ADGRD1: variants seen among roughly 807,000 people sequenced by gnomAD.
The protein encoded by ADGRD1 is adhesion G protein-coupled receptor D1, also known as G-protein coupled receptor 133.
ADGRD1 carries 77 observed loss-of-function variants against 113.4 expected under a neutral mutation model. The ratio of observed to expected loss-of-function variants is 0.68; its 90% CI spans 0.57 to 0.82. ADGRD1 has a LOEUF of 0.82. Ranked by LOEUF, ADGRD1 falls within the 40% of genes least tolerant of loss-of-function variation. The probability of loss-of-function intolerance (pLI) is 0.00; values close to 1 mark genes in which losing one functional copy is unlikely to be tolerated. For synonymous variants in ADGRD1, 474 were observed against 475.0 expected (o/e 1.00, Z 0.03); for missense variants, 1,036 against 1,139.1 (o/e 0.91, Z 1.30).
intron 13 of ADGRD1, among the ~76,000 whole-genome samples, chr12:131,068,973 C>G (rs1884939593): frequency 6.6e-6 from 1 of 152,258 alleles, no homozygotes; most frequent in African/African-American, 2.4e-5. Flanking sequence ...ATTCCGAGCA[C>G]AGCAGCTATA....
chr12:131,071,652 A>T (rs1188759606), intron 13 of ADGRD1, among the ~76,000 whole-genome samples: 1 of 152,214 alleles, frequency 6.6e-6, no homozygotes, highest in Admixed American at 6.5e-5. Context: ...ACAGAGGGCA[A>T]CTTGTGCACG....
intron 12 of ADGRD1, among the ~76,000 whole-genome samples, chr12:131,012,014 G>A (rs1376120177): frequency 6.6e-6 from 1 of 152,202 alleles, no homozygotes; most frequent in Non-Finnish European, 1.5e-5. Context: ...CTGCGGTGGG[G>A]ACTGAGCCCA....
At chr12:131,138,562 T>A (rs376130339) in intron 24 of ADGRD1, among the ~76,000 whole-genome samples, 8 of 152,344 alleles carry the variant, frequency 5.3e-5, no homozygotes, top group South Asian at 2.1e-4. Flanking sequence ...CCAGGCAGTC[T>A]GGAGCAGGCC....
intron 2 of ADGRD1, among the ~76,000 whole-genome samples, chr12:130,960,262 C>T (rs1480970927): frequency 2.0e-5 from 3 of 152,262 alleles, no homozygotes; most frequent in South Asian, 2.1e-4. Flanking sequence ...TGGCTCCAGC[C>T]GTTTCCAGAA....
At chr12:131,008,204 A>G (rs963207392) in intron 12 of ADGRD1, among the ~76,000 whole-genome samples, 3 of 152,186 alleles carry the variant, frequency 2.0e-5, no homozygotes, top group Non-Finnish European at 2.9e-5. Flanking sequence ...TTGTAAGCTG[A>G]TTGGGCATTT....
In ADGRD1 at chr12:130,965,722, T is replaced by C. The variant is rs141966473; in HGVS notation, c.104-741T>C. 1.3e-3 allele frequency among the ~76,000 whole-genome samples: 205 copies of C among 152,322 alleles called. 1 individual carries two copies. Among genetic ancestry groups the C allele is most frequent in the African/African-American group, 4.6e-3 (191 of 41,568 alleles). On this transcript the variant is annotated intron_variant, in intron 2 of 24. Transcript: ENST00000261654. The surrounding 1 kb of genome is among the most constrained non-coding windows in gnomAD (Gnocchi z 4.8). ...AAGAAATAATTCATATAGCATTCAATGAGAAGAGCAGAATAGAAAATAACA... is the reference window on the plus strand; with the variant it reads ...AAGAAATAATTCATATAGCATTCAACGAGAAGAGCAGAATAGAAAATAACA...
At chr12:131,111,708 C>T (rs73149914) in intron 18 of ADGRD1, among the ~76,000 whole-genome samples, 9,179 of 151,972 alleles carry the variant, frequency 0.06, 280 homozygotes, top group Middle Eastern at 0.099. Context: ...ATTTTGGAAC[C>T]CCTCTAGTGG....
At chr12:131,034,373 G>T (rs1028325484) in intron 13 of ADGRD1, among the ~76,000 whole-genome samples, 1 of 152,160 alleles carries the variant, frequency 6.6e-6, no homozygotes, top group African/African-American at 2.4e-5. Flanking sequence ...CGCCACTGCC[G>T]ACCTGACTGT....
At chr12:131,126,392 T>C (rs1950738513) in intron 20 of ADGRD1, among the ~76,000 whole-genome samples, 2 of 152,216 alleles carry the variant, frequency 1.3e-5, no homozygotes, top group African/African-American at 4.8e-5. Flanking sequence ...TCTCCCAAAC[T>C]GTAATAAATC....
intron 21 of ADGRD1, 58 bp from the exon 22 acceptor site, chr12:131,135,979 C>T: frequency 3.7e-6 from 6 of 1,600,536 alleles, no homozygotes; most frequent in Admixed American, 1.7e-5. Context: ...GAGGGCAGTC[C>T]TCACAGCCTG....
At chr12:130,957,208 A>C (rs1198267220) in intron 2 of ADGRD1, 2 of 152,386 alleles carry the variant, frequency 1.3e-5, no homozygotes, top group Non-Finnish European at 2.9e-5. Flanking sequence ...ACATGTCCAC[A>C]CATATCCACG....
At chr12:131,079,710 GT>G (rs1182149257) in intron 14 of ADGRD1, among the ~76,000 whole-genome samples, 2 of 152,028 alleles carry the variant, frequency 1.3e-5, no homozygotes, top group Admixed American at 1.3e-4. Context: ...AGCAGTTTAT[GT>G]TTTTTTGAAA....
chr12:131,076,880 C>G lies in ADGRD1; in HGVS notation c.1547+6C>G. ...TGCGCCTTCCTGGACTTCAGGTACC[C>G]TCTGCACAGGGGAGAGCAGGTGGGC... On this transcript the variant is annotated splice_donor_region_variant and intron_variant, in intron 14 of 24. Coordinates refer to ENST00000261654, the MANE Select transcript of ADGRD1 (RefSeq NM_198827.5). 2 of 1,613,130 alleles carry G rather than the reference C, an allele frequency of 1.2e-6. No individual in the cohort carries two copies. The highest frequency in any genetic ancestry group is 1.7e-6 in the Non-Finnish European group (2 of 1,179,054).
chr12:131,130,591 G>C (rs1950890997), intron 20 of ADGRD1, among the ~76,000 whole-genome samples: 1 of 152,250 alleles, frequency 6.6e-6, no homozygotes, highest in South Asian at 2.1e-4. Flanking sequence ...CAGTGGAAAA[G>C]TCCTGGGCAC....
At chr12:131,061,267 A>G (rs1165466376) in intron 13 of ADGRD1, among the ~76,000 whole-genome samples, 1 of 152,102 alleles carries the variant, frequency 6.6e-6, no homozygotes, top group East Asian at 1.9e-4. Context: ...ACCACAACCC[A>G]TCTGACCTGG....
At position 130,971,313 on chromosome 12, in the gene ADGRD1, GAAT is replaced by G. The variant is rs1328459637; in HGVS notation, c.188-140_188-138del. ...TACTGATGCTATGAATATTATCATA[GAAT>G]AATATATGATGTTATAAATATATAC... On this transcript the variant is annotated intron_variant, in intron 3 of 24. Coordinates refer to ENST00000261654, the MANE Select transcript of ADGRD1 (RefSeq NM_198827.5). The surrounding 1 kb of genome is among the most constrained non-coding windows in gnomAD (Gnocchi z 4.2). The G allele has an allele frequency of 1.3e-5, 5 of 386,968 alleles. No homozygotes were observed. Among genetic ancestry groups the G allele is most frequent in the Admixed American group, 4.4e-5 (1 of 22,546 alleles). 24.0% of individuals were successfully genotyped at this position (386,968 alleles called of 1,614,324 possible).
chr12:130,972,253 C>T (rs977319464), intron 4 of ADGRD1, among the ~76,000 whole-genome samples: 2 of 152,160 alleles, frequency 1.3e-5, no homozygotes, highest in Non-Finnish European at 2.9e-5. Flanking sequence ...TCTCTGCCTT[C>T]CAAACCAGCT....
At chr12:130,979,852 C>T (rs1418848182) in intron 4 of ADGRD1, among the ~76,000 whole-genome samples, 1 of 150,714 alleles carries the variant, frequency 6.6e-6, no homozygotes, top group East Asian at 1.9e-4. Context: ...CACACACACA[C>T]ACACACACAC....
In ADGRD1 at chr12:130,987,108, T is replaced by G; in HGVS notation, c.504T>G (p.Thr168=). 1 of 1,613,900 alleles carries G rather than the reference T, an allele frequency of 6.2e-7. No individual in the cohort carries two copies. The highest frequency in any genetic ancestry group is 8.5e-7 in the Non-Finnish European group (1 of 1,179,758). The part of the protein sequence containing the change: ...ASFSPPGPYW[T]HVLFTWKSKE... Reference sequence around the variant, plus strand: ...ACTCTTTTCCAGGCCCCTATTGGACTCATGTCCTATTTACATGGAAATCCA... The same window carrying G: ...ACTCTTTTCCAGGCCCCTATTGGACGCATGTCCTATTTACATGGAAATCCA... Residue 168 remains threonine, a synonymous_variant, in exon 6 of 25, where the codon ACT becomes ACG. Transcript: ENST00000261654.
Sources: gnomAD v4.1 joint callset for allele counts (sites outside exome capture counted in the v4.1 genomes callset) on GRCh38, gnomAD v4.1.1 for gene constraint, Gnocchi (gnomAD v3.1) non-coding constraint, MANE v1.5 for transcripts, NCBI Gene and HGNC (gene_info 2026-07-23, HGNC 2026-07-21) for gene names.